Variants in CPS1 observed in about 807,000 individuals in gnomAD.
CPS1 encodes the protein carbamoyl-phosphate synthase 1, also known as carbamoyl-phosphate synthase [ammonia], mitochondrial.
In CPS1, 109 loss-of-function variants were observed where a neutral mutation model predicts 174.6. The observed-to-expected ratio is 0.62, with a 90% CI of 0.53 to 0.73. The LOEUF is 0.73. Among genes scored for constraint, CPS1 ranks in the 30% least tolerant of loss-of-function variants. The pLI is 0.00. For missense variants in CPS1, 1,689 were observed against 1,821.9 expected (o/e 0.93, Z 1.33); for synonymous variants, 637 against 632.0 (o/e 1.01, Z -0.12).
intron 10 of CPS1, among the ~76,000 whole-genome samples, chr2:210,592,568 T>C (rs1698343964): frequency 6.6e-6 from 1 of 151,980 alleles, no homozygotes; most frequent in African/African-American, 2.4e-5. Flanking sequence ...GACTTGAGTT[T>C]ACTCTGAACA....
At chr2:210,527,545 T>G (rs1030970750) in intron 1 of CPS1, among the ~76,000 whole-genome samples, 1 of 151,940 alleles carries the variant, frequency 6.6e-6, no homozygotes, top group Non-Finnish European at 1.5e-5. Context: ...GGGCCATCTT[T>G]CAGGTCCAAC....
At chr2:210,506,241 T>G (rs889107350) in intron 1 of CPS1, among the ~76,000 whole-genome samples, 1 of 152,158 alleles carries the variant, frequency 6.6e-6, no homozygotes, top group Admixed American at 6.5e-5. Context: ...TCCGCTGTTC[T>G]GCAGCCTCCG....
rs943527900 is a variant in CPS1, at chr2:210,663,754, G to T, written c.4002+557G>T. Among the ~76,000 whole-genome samples the T allele has an allele frequency of 3.3e-4, 50 of 152,174 alleles. 1 individual carries two copies. Among genetic ancestry groups the T allele is most frequent in the Non-Finnish European group, 1.2e-4 (8 of 68,016 alleles). The stretch of plus-strand genomic sequence containing the variant: ...TGTGTTGGGGCTGTGTCAGCTGAAG[G>T]TTTCTTTAGGATTGTGAAATGTGTT... On this transcript the variant is annotated intron_variant, in intron 33 of 37. Transcript: ENST00000233072.
chr2:210,560,722 A>G (rs1697070492), intron 1 of CPS1, among the ~76,000 whole-genome samples: 1 of 152,186 alleles, frequency 6.6e-6, no homozygotes, highest in Non-Finnish European at 1.5e-5. Context: ...ATTGGCAACT[A>G]TAAAAACTCC....
chr2:210,673,678 T>C (rs879912437), intron 34 of CPS1: 22 of 152,096 alleles, frequency 1.4e-4, no homozygotes, highest in Non-Finnish European at 2.9e-4. Flanking sequence ...TTATTGTAAT[T>C]ATAATAATAT....
At chr2:210,603,575 A>G (rs1413746260) in intron 16 of CPS1, among the ~76,000 whole-genome samples, 1 of 151,924 alleles carries the variant, frequency 6.6e-6, no homozygotes, top group Non-Finnish European at 1.5e-5. Flanking sequence ...TAACAACTTC[A>G]TAACTGCCAA....
At chr2:210,596,803 T>G (rs1698496448) in intron 13 of CPS1, among the ~76,000 whole-genome samples, 1 of 151,908 alleles carries the variant, frequency 6.6e-6, no homozygotes. Context: ...TAATTAGAAT[T>G]TCTATAGTTT....
At chr2:210,620,145 G>C (rs1699460515) in intron 21 of CPS1, among the ~76,000 whole-genome samples, 1 of 151,844 alleles carries the variant, frequency 6.6e-6, no homozygotes, top group Admixed American at 6.6e-5. Flanking sequence ...CAATAAATGT[G>C]CTTATTTATG....
chr2:210,617,392 A>C (rs1445653229), intron 21 of CPS1, among the ~76,000 whole-genome samples: 2 of 152,028 alleles, frequency 1.3e-5, no homozygotes, highest in Non-Finnish European at 2.9e-5. Flanking sequence ...GAGAAGGAAA[A>C]ATTTTGTTTG....
intron 1 of CPS1, among the ~76,000 whole-genome samples, chr2:210,561,789 T>C (rs1318997030): frequency 1.3e-5 from 2 of 152,216 alleles, no homozygotes; most frequent in East Asian, 3.9e-4. Context: ...TCTAAATGAG[T>C]TGAACTTATA....
chr2:210,658,789 C>A, intron 31 of CPS1, 101 bp downstream of exon 31: 1 of 816,074 alleles, frequency 1.2e-6, no homozygotes, highest in Non-Finnish European at 2.1e-6. Context: ...AGACAAAGAG[C>A]AACTGAGACC....
rs192894588 is a variant in CPS1, at chr2:210,525,047, C to T, written c.4-31672C>T. On this transcript the variant is annotated intron_variant, in intron 1 of 38. Transcript: ENST00000430249. ...CTAATTTTTATTGGAAGGGGATCCT[C>T]CTTTCCCGTAGTAATAAGAACTAAG... 4.7e-3 allele frequency among the ~76,000 whole-genome samples: 720 copies of T among 151,966 alleles called. 5 individuals are homozygous for T. Among genetic ancestry groups the T allele is most frequent in the Middle Eastern group, 0.01 (3 of 294 alleles).
chr2:210,506,895 G>A (rs1192212307), intron 1 of CPS1, among the ~76,000 whole-genome samples: 1 of 152,226 alleles, frequency 6.6e-6, no homozygotes, highest in Non-Finnish European at 1.5e-5. Flanking sequence ...CCAAATCTAT[G>A]TCTGATTGGT....
At position 210,611,370 on chromosome 2, in the gene CPS1, A is replaced by G. The variant is rs1287796512; in HGVS notation, c.2392-747A>G. Among the ~76,000 whole-genome samples the G allele has an allele frequency of 2.6e-5, 4 of 152,006 alleles. No homozygotes were observed. The East Asian group carries it at 7.8e-4, about 30-fold the overall frequency. On this transcript the variant is annotated intron_variant, in intron 19 of 37. Transcript: ENST00000233072. Reference sequence around the variant, plus strand: ...AATTGGAGACCAAAAATGCATAGCAATCTATTATTCTATGAAAAGATTCAA... The same window carrying G: ...AATTGGAGACCAAAAATGCATAGCAGTCTATTATTCTATGAAAAGATTCAA...
At chr2:210,576,325 T>C in intron 2 of CPS1, 21 bp from the exon 3 acceptor site, 2 of 1,612,892 alleles carry the variant, frequency 1.2e-6, no homozygotes, top group Non-Finnish European at 1.7e-6. Flanking sequence ...TTGCTGATAA[T>C]TTTTTGGCAT....
At chr2:210,483,312 A>C (rs1288139966) in intron 1 of CPS1, among the ~76,000 whole-genome samples, 1 of 152,172 alleles carries the variant, frequency 6.6e-6, no homozygotes, top group Non-Finnish European at 1.5e-5. Flanking sequence ...AACAGCATCT[A>C]CTGTTTTCAA....
At chr2:210,511,611 CT>C (rs1279919027) in intron 1 of CPS1, among the ~76,000 whole-genome samples, 2 of 152,050 alleles carry the variant, frequency 1.3e-5, no homozygotes, top group Non-Finnish European at 2.9e-5. Flanking sequence ...TATTCAAAGA[CT>C]TTTACAACTT....
At chr2:210,572,167 A>C (rs1443228516) in intron 1 of CPS1, among the ~76,000 whole-genome samples, 1 of 151,984 alleles carries the variant, frequency 6.6e-6, no homozygotes, top group Admixed American at 6.6e-5. Context: ...AATCTCAGAT[A>C]TCATACTATT....
At chr2:210,532,409 G>A (rs977936286) in intron 1 of CPS1, among the ~76,000 whole-genome samples, 1 of 152,116 alleles carries the variant, frequency 6.6e-6, no homozygotes, top group African/African-American at 2.4e-5. Context: ...TTTATACTTA[G>A]CAGTTCTAAA....
Sources: allele counts gnomAD v4.1 joint callset (sites outside exome capture counted in the v4.1 genomes callset), GRCh38; gene constraint gnomAD v4.1.1; transcripts MANE v1.5; gene names NCBI Gene and HGNC (gene_info 2026-07-23, HGNC 2026-07-21).